Variants in ANKRD13D observed in about 807,000 individuals in gnomAD.
ANKRD13D encodes the protein ankyrin repeat domain-containing protein 13D.
In ANKRD13D, 24 loss-of-function variants were observed where a neutral mutation model predicts 68.8. The observed-to-expected ratio is 0.35, with a 90% CI of 0.25 to 0.49. The LOEUF is 0.49. ANKRD13D is among the 20% of genes least tolerant of loss of function. The pLI is 0.99. For synonymous variants in ANKRD13D, 331 were observed against 336.1 expected, an observed-to-expected ratio of 0.98 and a Z score of 0.16; for missense variants, 735 against 832.1, an observed-to-expected ratio of 0.88 and a Z score of 1.44.
At chr11:67,293,756 G>A (rs975283394) in intron 6 of ANKRD13D, among the ~76,000 whole-genome samples, 4 of 152,100 alleles carry the variant, frequency 2.6e-5, no homozygotes, top group Non-Finnish European at 4.4e-5. Flanking sequence ...AGGCTGAAGC[G>A]ACCTGCCTAC....
Position 67,300,810 on chromosome 11 carries a change from T to C in ANKRD13D, c.1074-180T>C, listed in dbSNP as rs1860948031. ...GCCTGGGCCCAGGGAGGAGGGCAGC[T>C]TGGGCCACGTGGCCAGGACACCAGC... On this transcript the variant is annotated intron_variant, in intron 10 of 14. Coordinates refer to ENST00000511455, the MANE Select transcript of ANKRD13D (RefSeq NM_207354.3). This position sits in a 1 kb window ranked among gnomAD's most constrained non-coding sequence, Gnocchi z 4.3. 2.8e-6 allele frequency: 2 copies of C among 719,216 alleles called. No homozygotes were observed. Among genetic ancestry groups the C allele is most frequent in the African/African-American group, 3.6e-5 (2 of 55,768 alleles). 44.6% of individuals were successfully genotyped at this position (719,216 alleles called of 1,614,324 possible). A position where few individuals can be genotyped will look rare whatever the true frequency, so the allele number is the denominator to read the frequency against.
chr11:67,298,056 C>CTTTTTTTTTTTTTTTTTTTTTTTTTTTT (rs200939455), intron 6 of ANKRD13D: 1 of 130,000 alleles, frequency 7.7e-6, no homozygotes. Flanking sequence ...TTGAGGTTTT[C>CTTTTTTTTTTTTTTTTTTTTTTTTTTTT]TTTTTTTTTT....
At chr11:67,293,863 T>C (rs1176633874) in intron 6 of ANKRD13D, among the ~76,000 whole-genome samples, 2 of 152,182 alleles carry the variant, frequency 1.3e-5, no homozygotes, top group African/African-American at 2.4e-5. Flanking sequence ...TATTGAGTCA[T>C]AGGAGTTTTA....
At chr11:67,290,990 C>G (rs1194590336) in intron 3 of ANKRD13D, 1 of 189,934 alleles carries the variant, frequency 5.3e-6, no homozygotes, top group African/African-American at 2.4e-5. Flanking sequence ...CTGAAGACCA[C>G]TGTAGTGCCC....
At chr11:67,296,422 C>A (rs1860759217) in intron 6 of ANKRD13D, among the ~76,000 whole-genome samples, 1 of 151,606 alleles carries the variant, frequency 6.6e-6, no homozygotes, top group South Asian at 2.1e-4. Context: ...GACTTGTTAT[C>A]CATCTATTCA....
Position 67,299,901 on chromosome 11 carries a change from TG to T in ANKRD13D, c.942+16del. On this transcript the variant is annotated intron_variant, in intron 9 of 14. Coordinates refer to ENST00000511455, the MANE Select transcript of ANKRD13D (RefSeq NM_207354.3). The surrounding 1 kb of genome is among the most constrained non-coding windows in gnomAD (Gnocchi z 6.2). Reference sequence around the variant, plus strand: ...CTCCCACACCGGGGTGAGCCGGGGCTGGGCCGAGACAGGGCTGGCGGGGGGC... The same window carrying T: ...CTCCCACACCGGGGTGAGCCGGGGCTGGCCGAGACAGGGCTGGCGGGGGGC... 6.4e-7 allele frequency: 1 copy of T among 1,551,590 alleles called. No individual in the cohort carries two copies. Among genetic ancestry groups the T allele is most frequent in the Non-Finnish European group, 8.7e-7 (1 of 1,147,266 alleles).
rs928730743 is a variant in ANKRD13D, at chr11:67,291,244, C to T, written c.352-232C>T. On this transcript the variant is annotated intron_variant, in intron 3 of 14. Transcript: ENST00000511455. The stretch of plus-strand genomic sequence containing the variant: ...TGGTGGCACACACCTGTGGTCCCAG[C>T]TACTCGGGAGGCTGAGGTGGAAGAA... The T allele has an allele frequency of 9.4e-6, 5 of 532,058 alleles. No homozygotes were observed. In the East Asian group the frequency reaches 1.7e-4, roughly 18 times the overall value. 33.0% of individuals were successfully genotyped at this position (532,058 alleles called of 1,614,324 possible).
rs896503242 is a variant in ANKRD13D at position 67,299,203 on chromosome 11, A to C, written c.798+79A>C. 2.6e-6 allele frequency: 4 copies of C among 1,540,120 alleles called. No individual in the cohort carries two copies. Among genetic ancestry groups the C allele is most frequent in the Non-Finnish European group, 3.6e-6 (4 of 1,118,926 alleles). On this transcript the variant is annotated intron_variant, in intron 7 of 14. Coordinates refer to ENST00000511455, the MANE Select transcript of ANKRD13D (RefSeq NM_207354.3). This position sits in a 1 kb window ranked among gnomAD's most constrained non-coding sequence, Gnocchi z 6.2. ...CAGCTCCTCTCCACATCCATCCCAGAGTAGCCCCTGGGCTCTGGAAACCCT... is the reference window on the plus strand; with the variant it reads ...CAGCTCCTCTCCACATCCATCCCAGCGTAGCCCCTGGGCTCTGGAAACCCT...
At chr11:67,298,667 C>T (rs1348030574) in intron 6 of ANKRD13D, 1 of 195,400 alleles carries the variant, frequency 5.1e-6, no homozygotes, top group Non-Finnish European at 1.1e-5. Context: ...CATTTATCAA[C>T]ATCTTGCCAA....
chr11:67,301,498 C>A lies in ANKRD13D; in HGVS notation c.1359C>A (p.Phe453Leu). Residue 453 changes from phenylalanine (F) to leucine (L), a missense_variant, in exon 13 of 15, where the codon TTC becomes TTA. Physicochemically the swap from Phe to Leu is conservative, Grantham distance 22 (BLOSUM62 0). Transcript: ENST00000511455. The surrounding 1 kb of genome is among the most constrained non-coding windows in gnomAD (Gnocchi z 4.5). ...SSAVAASGNP[F>L]PCEVDPTVFE... is the part of the protein sequence containing the mutation. Reference sequence around the variant, plus strand: ...CTGCCACCTGCCTAGGGAACCCTTTCCCGTGCGAGGTGGACCCCACCGTGT... The same window carrying A: ...CTGCCACCTGCCTAGGGAACCCTTTACCGTGCGAGGTGGACCCCACCGTGT... 3 of 1,612,608 alleles carry A rather than the reference C, an allele frequency of 1.9e-6. No individual in the cohort carries two copies. The highest frequency in any genetic ancestry group is 2.5e-6 in the Non-Finnish European group (3 of 1,179,610).
At position 67,300,273 on chromosome 11, in the gene ANKRD13D, C is replaced by G; in HGVS notation, c.1073+150C>G. On this transcript the variant is annotated intron_variant, in intron 10 of 14. Coordinates refer to ENST00000511455, the MANE Select transcript of ANKRD13D (RefSeq NM_207354.3). This position sits in a 1 kb window ranked among gnomAD's most constrained non-coding sequence, Gnocchi z 4.3. ...GGGCAGGAGTCATGTCTGCCTTATC[C>G]ATGGTCCTCAGCCCTTAGCAAGGGG... is the stretch of plus-strand genomic sequence containing the variant. 3 of 1,154,692 alleles carry G rather than the reference C, an allele frequency of 2.6e-6. No individual in the cohort carries two copies. The highest frequency in any genetic ancestry group is 3.6e-6 in the Non-Finnish European group (3 of 830,320). 71.5% of individuals were successfully genotyped at this position (1,154,692 alleles called of 1,614,324 possible). A position where few individuals can be genotyped will look rare whatever the true frequency, so the allele number is the denominator to read the frequency against.
chr11:67,293,245 G>C (rs1000217417), intron 6 of ANKRD13D, among the ~76,000 whole-genome samples: 5 of 152,178 alleles, frequency 3.3e-5, no homozygotes, highest in African/African-American at 9.7e-5. Context: ...CAAACGAGCT[G>C]TACTGGTTTA....
intron 6 of ANKRD13D, among the ~76,000 whole-genome samples, chr11:67,293,464 A>G (rs1007434584): frequency 1.3e-5 from 2 of 152,214 alleles, no homozygotes; most frequent in African/African-American, 2.4e-5. Context: ...CTTTGCAGAA[A>G]TGTCTATTCA....
chr11:67,291,676 C>T lies in ANKRD13D; in HGVS notation c.471C>T (p.Asp157=), dbSNP rs909242276. The T allele has an allele frequency of 1.2e-6, 2 of 1,613,994 alleles. No individual in the cohort carries two copies. The highest frequency in any genetic ancestry group is 2.7e-5 in the African/African-American group (2 of 74,934). Residue 157 remains aspartate, a synonymous_variant, in exon 5 of 15, where the codon GAC becomes GAT. Transcript: ENST00000511455. ...VWKRGESLRV[D]TSLLGFEHMT... ...AGCGGGGTGAGAGCCTGCGAGTAGACACCAGTCTCCTGGGCTTCGAGCACA... is the reference window on the plus strand; with the variant it reads ...AGCGGGGTGAGAGCCTGCGAGTAGATACCAGTCTCCTGGGCTTCGAGCACA...
In ANKRD13D at chr11:67,300,576, C is replaced by G. The variant is rs969408606; in HGVS notation, c.1074-414C>G. ...CACCATCTCAGGAGGATTCTCTTAG[C>G]CACCCAACAGTCGCTGGGATTCGAA... On this transcript the variant is annotated intron_variant, in intron 10 of 14. Coordinates refer to ENST00000511455, the MANE Select transcript of ANKRD13D (RefSeq NM_207354.3). The surrounding 1 kb of genome is among the most constrained non-coding windows in gnomAD (Gnocchi z 4.3). 4.6e-5 allele frequency: 17 copies of G among 373,310 alleles called. No homozygotes were observed. The East Asian group carries it at 7.7e-4, about 17-fold the overall frequency. 23.1% of individuals were successfully genotyped at this position (373,310 alleles called of 1,614,324 possible).
intron 6 of ANKRD13D, among the ~76,000 whole-genome samples, chr11:67,294,507 T>G (rs1038970796): frequency 6.6e-6 from 1 of 152,146 alleles, no homozygotes; most frequent in Non-Finnish European, 1.5e-5. Context: ...CATTTATTCC[T>G]AAGTGTTTTA....
rs907697185 is a variant in ANKRD13D, at chr11:67,301,786, C to G, written c.1567C>G (p.Gln523Glu). The G allele has an allele frequency of 6.2e-7, 1 of 1,608,642 alleles. No homozygotes were observed. Among genetic ancestry groups the G allele is most frequent in the South Asian group, 1.1e-5 (1 of 90,390 alleles). The change falls in exon 14 of 15, where the codon CAG (glutamine) becomes GAG (glutamate). Residue 523 changes from glutamine to glutamate, a missense_variant. Transcript: ENST00000511455. This position sits in a 1 kb window ranked among gnomAD's most constrained non-coding sequence, Gnocchi z 4.5. ...NTRPGARPPP[Q>E]ATVYEEQLQL... is the part of the protein sequence containing the mutation. ...CCGGCCCGGTGCCCGCCCTCCTCCC[C>G]AGGCCACGGTTTATGAGGAACAGCT... is the stretch of plus-strand genomic sequence containing the variant.
chr11:67,290,044 C>T (rs759828211), intron 1 of ANKRD13D, 34 bp from the exon 2 acceptor site: 5 of 1,530,806 alleles, frequency 3.3e-6, no homozygotes, highest in Admixed American at 4.0e-5. Context: ...GCCCTCTTCT[C>T]TCCTGCCCTT....
Position 67,292,026 on chromosome 11 carries a change from C to G in ANKRD13D, c.577C>G (p.Arg193Gly). 2 of 1,592,338 alleles carry G rather than the reference C, an allele frequency of 1.3e-6. No individual in the cohort carries two copies. Among genetic ancestry groups the G allele is most frequent in the Non-Finnish European group, 8.6e-7 (1 of 1,164,558 alleles). ...GALVMEVDHD[R>G]QVVHVETLGL... ...CCTGGTGATGGAAGTGGACCATGACCGGCAGGTGGTGCATGTGGAGACACT... is the reference window on the plus strand; with the variant it reads ...CCTGGTGATGGAAGTGGACCATGACGGGCAGGTGGTGCATGTGGAGACACT... Residue 193 changes from arginine (R) to glycine (G), a missense_variant, in exon 6 of 15, where the codon CGG (arginine) becomes GGG (glycine). By Grantham distance (125) the Arg-to-Gly change is moderately radical. Transcript: ENST00000511455.
Sources: gnomAD v4.1 joint callset for allele counts (sites outside exome capture counted in the v4.1 genomes callset) on GRCh38, gnomAD v4.1.1 for gene constraint, Gnocchi (gnomAD v3.1) non-coding constraint, MANE v1.5 for transcripts, NCBI Gene and HGNC (gene_info 2026-07-23, HGNC 2026-07-21) for gene names.